The following GDAP1 variants were observed in gnomAD, a reference collection of about 807,000 sequenced individuals.
GDAP1 encodes ganglioside-induced differentiation-associated protein 1.
In GDAP1, 34 loss-of-function variants were observed where a neutral mutation model predicts 40.1. The ratio of observed to expected loss-of-function variants is 0.85; its 90% CI spans 0.64 to 1.13. The LOEUF is 1.13. Ranked by LOEUF, GDAP1 falls within the 50% of genes most tolerant of loss-of-function variation. The pLI is 0.00. For missense variants in GDAP1, 374 were observed against 433.7 expected (o/e 0.86, Z 1.22); for synonymous variants, 170 against 157.4 (o/e 1.08, Z -0.60).
intron 2 of GDAP1, among the ~76,000 whole-genome samples, chr8:74,472,705 CTTTCTTTTCTTTTCT>C (rs142771587): frequency 0.22 from 32,281 of 144,356 alleles, 3,836 homozygotes; most frequent in South Asian, 0.34. Context: ...CGATATTGAG[CTTTCTTTTCTTTTCT>C]TTTCTTTTCT....
At position 74,375,201 on chromosome 8, in the gene GDAP1, C is replaced by T. The variant is rs150347121; in HGVS notation, c.165+23880C>T. Among the ~76,000 whole-genome samples the T allele has an allele frequency of 2.7e-3, 416 of 152,174 alleles. 2 individuals carry two copies. The highest frequency in any genetic ancestry group is 9.7e-3 in the African/African-American group (404 of 41,508). The stretch of plus-strand genomic sequence containing the variant: ...AATTAGCCAGGCATGGTGGTGTGCA[C>T]CTGTAATCCGAGCTACTTGGGAAAC... On this transcript the variant is annotated intron_variant, in intron 2 of 2. Coordinates refer to the GDAP1 transcript ENST00000523640.
At chr8:74,449,562 G>A (rs1295768395) in intron 2 of GDAP1, among the ~76,000 whole-genome samples, 2 of 151,720 alleles carry the variant, frequency 1.3e-5, no homozygotes, top group Non-Finnish European at 3.0e-5. Flanking sequence ...TTATTCCCAA[G>A]TATTTTATGT....
downstream of GDAP1, among the ~76,000 whole-genome samples, chr8:74,370,440 T>C (rs1231643557): frequency 6.6e-6 from 1 of 152,194 alleles, no homozygotes; most frequent in Non-Finnish European, 1.5e-5. Context: ...AAGGAAGTAG[T>C]GTCAAGGGTG....
chr8:74,408,656 G>A (rs777057819), intron 2 of GDAP1, among the ~76,000 whole-genome samples: 19 of 149,946 alleles, frequency 1.3e-4, no homozygotes, highest in Non-Finnish European at 1.8e-4. Context: ...GTTTATAAGC[G>A]ACTCAGTCTA....
At chr8:74,381,152 G>A (rs1008534586) in intron 2 of GDAP1, among the ~76,000 whole-genome samples, 2 of 151,942 alleles carry the variant, frequency 1.3e-5, no homozygotes, top group Admixed American at 6.6e-5. Context: ...TTATCAAATT[G>A]TTTATTTATA....
Position 74,351,404 on chromosome 8 carries a change from G to T in GDAP1, c.248G>T (p.Gly83Val). Residue 83 changes from glycine (G) to valine (V), a missense_variant, in exon 2 of 6, where the codon GGG (glycine) becomes GTG (valine). Physicochemically the swap from Gly to Val is moderately radical, Grantham distance 109 (BLOSUM62 -3). Transcript: ENST00000220822. Reference protein sequence around the residue: ...STGEVPVLIHGENIICEATQI... With the variant: ...STGEVPVLIHVENIICEATQI... The stretch of plus-strand genomic sequence containing the variant: ...GGAGAAGTGCCTGTCCTTATCCACG[G>T]GGAAAACATAATTTGTGAGGCCACT... The T allele has an allele frequency of 6.2e-7, 1 of 1,613,978 alleles. No homozygotes were observed. The highest frequency in any genetic ancestry group is 1.1e-5 in the South Asian group (1 of 91,072).
downstream of GDAP1, among the ~76,000 whole-genome samples, chr8:74,368,185 G>C (rs1809692365): frequency 6.6e-6 from 1 of 152,164 alleles, no homozygotes; most frequent in African/African-American, 2.4e-5. Flanking sequence ...AAAGGGTCAA[G>C]TTTCCATGCC....
intron 2 of GDAP1, among the ~76,000 whole-genome samples, chr8:74,376,072 C>T (rs1166739487): frequency 6.6e-6 from 1 of 151,986 alleles, no homozygotes; most frequent in Non-Finnish European, 1.5e-5. Flanking sequence ...ATAATACAGC[C>T]ACATTGAAAT....
At chr8:74,352,180 C>G (rs1301402924) in intron 2 of GDAP1, among the ~76,000 whole-genome samples, 1 of 152,208 alleles carries the variant, frequency 6.6e-6, no homozygotes, top group African/African-American at 2.4e-5. Flanking sequence ...AGCCTTCATA[C>G]TACACTGACT....
chr8:74,442,470 A>G (rs902192527), intron 2 of GDAP1, among the ~76,000 whole-genome samples: 1 of 152,224 alleles, frequency 6.6e-6, no homozygotes, highest in Non-Finnish European at 1.5e-5. Context: ...TCCTGAGGCC[A>G]CAATTTTATT....
chr8:74,477,992 G>A (rs1475319251), intron 2 of GDAP1, among the ~76,000 whole-genome samples: 2 of 152,162 alleles, frequency 1.3e-5, no homozygotes, highest in African/African-American at 4.8e-5. Flanking sequence ...AGGACAGTGT[G>A]TATCCTATGC....
intron 2 of GDAP1, among the ~76,000 whole-genome samples, chr8:74,379,130 G>T (rs1016069442): frequency 9.8e-4 from 3 of 3,074 alleles, no homozygotes; most frequent in South Asian, 6.6e-3. Context: ...GGTCATGTTT[G>T]TCCGACTTTC....
chr8:74,446,582 C>G (rs751745826), intron 2 of GDAP1, among the ~76,000 whole-genome samples: 5 of 152,068 alleles, frequency 3.3e-5, no homozygotes, highest in Non-Finnish European at 7.4e-5. Context: ...TGGCATTTTT[C>G]AAGTCATAAT....
Position 74,435,818 on chromosome 8 carries a change from T to G in GDAP1, c.166-52860T>G, listed in dbSNP as rs555142769. ...TTCTTCAGTTGGTTAGTCTAGAATATAAAAAAGTTTATTGTAGTCAGCAAA... is the reference window on the plus strand; with the variant it reads ...TTCTTCAGTTGGTTAGTCTAGAATAGAAAAAAGTTTATTGTAGTCAGCAAA... On this transcript the variant is annotated intron_variant, in intron 2 of 2. Coordinates refer to the GDAP1 transcript ENST00000523640. Among the ~76,000 whole-genome samples, 9 of 152,310 alleles carry G rather than the reference T, an allele frequency of 5.9e-5. No homozygotes were observed. The East Asian group carries it at 1.5e-3, about 26-fold the overall frequency.
chr8:74,362,891 TA>T, intron 4 of GDAP1, 47 bp from the exon 5 acceptor site: 1 of 850,208 alleles, frequency 1.2e-6, no homozygotes, highest in Non-Finnish European at 2.1e-6. Context: ...TTATTTTTTT[TA>T]AAGGTGCAAA....
intron 2 of GDAP1, among the ~76,000 whole-genome samples, chr8:74,464,856 ATACT>A (rs1029396292): frequency 6.6e-6 from 1 of 152,198 alleles, no homozygotes; most frequent in African/African-American, 2.4e-5. Flanking sequence ...ATCTTCCAAG[ATACT>A]TACAATTTAA....
At chr8:74,350,856 T>G (rs1808827400) in intron 1 of GDAP1, among the ~76,000 whole-genome samples, 1 of 152,232 alleles carries the variant, frequency 6.6e-6, no homozygotes, top group South Asian at 2.1e-4. Context: ...CCTTGCCTGC[T>G]GGTCTTCGGA....
At chr8:74,399,089 T>G (rs933682638) in intron 2 of GDAP1, among the ~76,000 whole-genome samples, 1 of 152,132 alleles carries the variant, frequency 6.6e-6, no homozygotes, top group Non-Finnish European at 1.5e-5. Context: ...GGATTTCCTC[T>G]TTTTCTATTG....
intron 2 of GDAP1, among the ~76,000 whole-genome samples, chr8:74,409,108 T>G (rs1805676496): frequency 6.7e-6 from 1 of 150,012 alleles, no homozygotes; most frequent in Non-Finnish European, 1.5e-5. Context: ...TACGTGATTC[T>G]GATGTGCAAT....
Sources: gnomAD v4.1 joint callset for allele counts (sites outside exome capture counted in the v4.1 genomes callset) on GRCh38, gnomAD v4.1.1 for gene constraint, MANE v1.5 for transcripts, NCBI Gene and HGNC (gene_info 2026-07-23, HGNC 2026-07-21) for gene names.